CTBP1: variants seen among roughly 807,000 people sequenced by gnomAD.
CTBP1 encodes C-terminal binding protein 1.
A neutral mutation model predicts 42.1 loss-of-function variants in CTBP1; 11 were observed. The ratio of observed to expected loss-of-function variants is 0.26; its 90% CI spans 0.16 to 0.43. CTBP1 has a LOEUF of 0.43. Ranked by LOEUF, CTBP1 falls within the 20% of genes least tolerant of loss-of-function variation. The pLI is 1.00. For missense variants in CTBP1, 399 were observed against 624.3 expected, an observed-to-expected ratio of 0.64 and a Z score of 3.85; for synonymous variants, 324 against 277.1, an observed-to-expected ratio of 1.17 and a Z score of -1.68.
chr4:1,241,470 G>C lies in CTBP1; in HGVS notation c.-139C>G. On this transcript the variant is annotated 5_prime_UTR_variant, in exon 2 of 10. Transcript: ENST00000382952. ...AATTGTCTCGAGCCAAAGTGCTCAGGCTTCTGATCCGCGGCAATCACTGAA... is the reference window on the plus strand; with the variant it reads ...AATTGTCTCGAGCCAAAGTGCTCAGCCTTCTGATCCGCGGCAATCACTGAA... The C allele has an allele frequency of 6.2e-7, 1 of 1,605,314 alleles. No individual in the cohort carries two copies. Among genetic ancestry groups the C allele is most frequent in the Non-Finnish European group, 8.5e-7 (1 of 1,175,962 alleles).
At chr4:1,247,949 A>G (rs1418849478) in intron 1 of CTBP1, among the ~76,000 whole-genome samples, 1 of 152,220 alleles carries the variant, frequency 6.6e-6, no homozygotes, top group Non-Finnish European at 1.5e-5. Context: ...CGGAGACGAC[A>G]GCAAAAGGGA....
chr4:1,246,303 T>TCCCTC (rs1732719165), intron 1 of CTBP1, among the ~76,000 whole-genome samples: 1 of 151,972 alleles, frequency 6.6e-6, no homozygotes, highest in Non-Finnish European at 1.5e-5. Context: ...AGCGTTCCCT[T>TCCCTC]GGGCGATGCA....
chr4:1,244,776 G>A (rs1577081602), intron 1 of CTBP1: 3 of 985,452 alleles, frequency 3.0e-6, no homozygotes, highest in Non-Finnish European at 3.6e-6. Context: ...CCTGCCGTGA[G>A]TCCCCGGCAG....
intron 9 of CTBP1, 67 bp downstream of exon 9, chr4:1,212,846 T>C: frequency 1.5e-6 from 2 of 1,358,540 alleles, no homozygotes; most frequent in Non-Finnish European, 2.1e-6. Flanking sequence ...CACCAGGGGC[T>C]GTGCTGGGAT....
rs938026598 is a variant in CTBP1, at chr4:1,233,705, C to T, written c.162+4478G>A. The stretch of plus-strand genomic sequence containing the variant: ...CCAGTCCTGAACCTGAACACTGGGG[C>T]GCCTCCCAGGCCCCGACATTCTTCC... On this transcript the variant is annotated intron_variant, in intron 3 of 9. Coordinates refer to ENST00000382952, the MANE Select transcript of CTBP1 (RefSeq NM_001012614.2). The surrounding 1 kb of genome is among the most constrained non-coding windows in gnomAD (Gnocchi z 4.6). 4.6e-5 allele frequency among the ~76,000 whole-genome samples: 7 copies of T among 152,156 alleles called. No individual in the cohort carries two copies. Among genetic ancestry groups the T allele is most frequent in the African/African-American group, 1.2e-4 (5 of 41,442 alleles).
chr4:1,245,554 G>C (rs538862629), intron 1 of CTBP1: 1 of 981,702 alleles, frequency 1.0e-6, no homozygotes, highest in Non-Finnish European at 1.2e-6. Context: ...GCAGGTCAGG[G>C]TGGCACAGGA....
intron 4 of CTBP1, among the ~76,000 whole-genome samples, chr4:1,227,571 TGA>T (rs1423627587): frequency 7.0e-6 from 1 of 143,234 alleles, no homozygotes; most frequent in Non-Finnish European, 1.5e-5. Flanking sequence ...TTCTGTGTGC[TGA>T]GTGTGCGTGA....
chr4:1,238,553 G>A lies in CTBP1; in HGVS notation c.8-216C>T, dbSNP rs1309369029. On this transcript the variant is annotated intron_variant, in intron 2 of 9. Coordinates refer to ENST00000382952, the MANE Select transcript of CTBP1 (RefSeq NM_001012614.2). This position sits in a 1 kb window ranked among gnomAD's most constrained non-coding sequence, Gnocchi z 5.9. ...CTGACTCAAGTGGACACAGACTGTG[G>A]ACACCCACTACCATCTCCCTTGGGC... Among the ~76,000 whole-genome samples the A allele has an allele frequency of 1.3e-5, 2 of 151,978 alleles. No homozygotes were observed. The highest frequency in any genetic ancestry group is 3.9e-4 in the East Asian group (2 of 5,174).
At position 1,237,638 on chromosome 4, in the gene CTBP1, C is replaced by T. The variant is rs577055279; in HGVS notation, c.162+545G>A. ...ACCTCCTGATGGGGCTCAGGACAAA[C>T]CCCGTGTCCACCTCCTGATGGGGCT... On this transcript the variant is annotated intron_variant, in intron 3 of 9. Transcript: ENST00000382952. 1.6e-5 allele frequency: 10 copies of T among 613,524 alleles called. No homozygotes were observed. The Admixed American group carries it at 2.2e-4, about 14-fold the overall frequency. 38.0% of individuals were successfully genotyped at this position (613,524 alleles called of 1,614,324 possible).
chr4:1,222,180 G>GA (rs1278530971), intron 5 of CTBP1, among the ~76,000 whole-genome samples: 3 of 152,194 alleles, frequency 2.0e-5, no homozygotes, highest in African/African-American at 7.2e-5. Flanking sequence ...CAGAGGGTGG[G>GA]ATGGGGCTCA....
In CTBP1 at chr4:1,242,024, A is replaced by G. The variant is rs974518935; in HGVS notation, c.-188-505T>C. ...AGGTGCTGCTGGCTTTCCAGCATCC[A>G]GCCTGGCACTGCCTGCACTGAGCCG... On this transcript the variant is annotated intron_variant, in intron 1 of 9. Coordinates refer to ENST00000382952, the MANE Select transcript of CTBP1 (RefSeq NM_001012614.2). 5 of 999,740 alleles carry G rather than the reference A, an allele frequency of 5.0e-6. No homozygotes were observed. The African/African-American group carries it at 8.7e-5, about 17-fold the overall frequency. The allele number at this position is 999,740 out of a possible 1,614,324, so 61.9% of individuals were successfully genotyped here. A position where few individuals can be genotyped will look rare whatever the true frequency, so the allele number is the denominator to read the frequency against.
At chr4:1,239,276 C>A (rs1267990993) in intron 2 of CTBP1, among the ~76,000 whole-genome samples, 1 of 152,214 alleles carries the variant, frequency 6.6e-6, no homozygotes. Flanking sequence ...CAGGGAGCAC[C>A]AGGTGGGGCC....
chr4:1,222,359 C>T (rs962484377), intron 5 of CTBP1, among the ~76,000 whole-genome samples: 5 of 151,472 alleles, frequency 3.3e-5, no homozygotes, highest in Admixed American at 6.6e-5. Flanking sequence ...CTCCCGAGGC[C>T]GAGGGAGCGC....
At chr4:1,219,019 T>C (rs775905610) in intron 5 of CTBP1, among the ~76,000 whole-genome samples, 1 of 152,048 alleles carries the variant, frequency 6.6e-6, no homozygotes, top group Non-Finnish European at 1.5e-5. Flanking sequence ...ATACTATTAA[T>C]AACAGACACA....
chr4:1,212,559 C>A (rs1164850816), intron 9 of CTBP1, 136 bp from the exon 10 acceptor site: 1 of 796,482 alleles, frequency 1.3e-6, no homozygotes, highest in African/African-American at 1.8e-5. Context: ...CCGGCCTTTA[C>A]ACGGATGTTC....
chr4:1,248,842 GC>G, intron 1 of CTBP1, 73 bp downstream of exon 1: 2 of 891,168 alleles, frequency 2.2e-6, no homozygotes, highest in Non-Finnish European at 2.7e-6. Context: ...CCGCCCCCGC[GC>G]CCCCCGCCCG....
In CTBP1 at chr4:1,238,396, A is replaced by G; in HGVS notation, c.8-59T>C. On this transcript the variant is annotated intron_variant, in intron 2 of 9. Coordinates refer to ENST00000382952, the MANE Select transcript of CTBP1 (RefSeq NM_001012614.2). The surrounding 1 kb of genome is among the most constrained non-coding windows in gnomAD (Gnocchi z 5.9). ...CACTGCGGCCCCGTGGCTACAACCC[A>G]CTCCACGCCACCCACTGTGCACGGG... 1 of 1,486,326 alleles carries G rather than the reference A, an allele frequency of 6.7e-7. No individual in the cohort carries two copies. Among genetic ancestry groups the G allele is most frequent in the East Asian group, 2.3e-5 (1 of 43,394 alleles). 92.1% of individuals were successfully genotyped at this position (1,486,326 alleles called of 1,614,324 possible).
chr4:1,226,798 C>T (rs1312191069), intron 4 of CTBP1, among the ~76,000 whole-genome samples: 2 of 151,624 alleles, frequency 1.3e-5, no homozygotes, highest in African/African-American at 4.8e-5. Context: ...CGGGAGGAGG[C>T]TGGCACACAG....
At position 1,216,387 on chromosome 4, in the gene CTBP1, C is replaced by T. The variant is rs540153874; in HGVS notation, c.515-182G>A. 115 of 633,970 alleles carry T rather than the reference C, an allele frequency of 1.8e-4. 1 individual carries two copies. The highest frequency in any genetic ancestry group is 1.7e-3 in the African/African-American group (93 of 54,642). 39.3% of individuals were successfully genotyped at this position (633,970 alleles called of 1,614,324 possible). A position where few individuals can be genotyped will look rare whatever the true frequency, so the allele number is the denominator to read the frequency against. On this transcript the variant is annotated intron_variant, in intron 5 of 9. Transcript: ENST00000382952. ...CACGAGCGCTCCACGTCCGCTCCAA[C>T]GCGCCCACTGCCAAGGCGGAGGAGA...
Sources: gnomAD v4.1 joint callset for allele counts (sites outside exome capture counted in the v4.1 genomes callset) on GRCh38, gnomAD v4.1.1 for gene constraint, Gnocchi (gnomAD v3.1) non-coding constraint, MANE v1.5 for transcripts, NCBI Gene and HGNC (gene_info 2026-07-23, HGNC 2026-07-21) for gene names.